The following SRCAP variants were observed in gnomAD, a reference collection of about 807,000 sequenced individuals.
SRCAP encodes the protein Snf2 related CREBBP activator protein, also known as chromatin remodeling protein SRCAP.
SRCAP carries 46 observed loss-of-function variants against 263.1 expected under a neutral mutation model. The ratio of observed to expected loss-of-function variants is 0.17; its 90% CI spans 0.14 to 0.22. The LOEUF (loss-of-function observed/expected upper bound fraction) is 0.22. Ranked by LOEUF, SRCAP falls within the 10% of genes least tolerant of loss-of-function variation. The pLI is 1.00. For missense variants in SRCAP, 3,695 were observed against 4,181.9 expected (o/e 0.88, Z 3.21); for synonymous variants, 1,813 against 1,662.1 (o/e 1.09, Z -2.21).
Position 30,722,630 on chromosome 16 carries a change from C to A in SRCAP, c.3774C>A (p.Ala1258=). ...TCATCAGCCAGCCTGCCCATGTGGC[C>A]CTCATCCAGGCCGTGGCCCCGACCC... ...HHLISQPAHV[A]LIQAVAPTPG... The change falls in exon 23 of 34, where the codon GCC becomes GCA. Residue 1258 remains alanine (A), a synonymous_variant. Transcript: ENST00000262518. 6.2e-7 allele frequency: 1 copy of A among 1,614,074 alleles called. No homozygotes were observed. The highest frequency in any genetic ancestry group is 8.5e-7 in the Non-Finnish European group (1 of 1,180,014).
rs1360430515 is a variant in SRCAP, at chr16:30,739,991, T to C, written c.*258T>C. 1 of 386,130 alleles carries C rather than the reference T, an allele frequency of 2.6e-6. No individual in the cohort carries two copies. The highest frequency in any genetic ancestry group is 4.4e-6 in the Non-Finnish European group (1 of 225,548). 23.9% of individuals were successfully genotyped at this position (386,130 alleles called of 1,614,324 possible). On this transcript the variant is annotated 3_prime_UTR_variant, in exon 34 of 34. Transcript: ENST00000262518. ...AAGATAGTCTCTGTCCCCACCCCCT[T>C]GTACTTGATTCCCCAGCTGTCTTTC...
chr16:30,707,422 C>G, intron 5 of SRCAP, 54 bp downstream of exon 5: 1 of 1,602,898 alleles, frequency 6.2e-7, no homozygotes, highest in Non-Finnish European at 8.5e-7. Flanking sequence ...TGTTCCTTCC[C>G]GGTTTGTTGG....
chr16:30,729,781 T>A (rs1310414361), intron 27 of SRCAP, among the ~76,000 whole-genome samples: 1 of 152,226 alleles, frequency 6.6e-6, no homozygotes, highest in Admixed American at 6.5e-5. Context: ...TCTTTTTTTT[T>A]ATTTTGAGAC....
At chr16:30,707,541 G>A (rs773529599) in intron 5 of SRCAP, 31 bp from the exon 6 acceptor site, 11 of 1,610,342 alleles carry the variant, frequency 6.8e-6, no homozygotes, top group Admixed American at 6.8e-5. Flanking sequence ...CTGGCTTTGA[G>A]TGTTTTCACC....
At chr16:30,723,531 T>C in intron 24 of SRCAP, 53 bp from the exon 25 acceptor site, 1 of 1,564,404 alleles carries the variant, frequency 6.4e-7, no homozygotes, top group South Asian at 1.2e-5. Context: ...GGACAGGGAG[T>C]AGAAAGGCTC....
chr16:30,710,424 A>G (rs1258001501), intron 8 of SRCAP: 1 of 668,866 alleles, frequency 1.5e-6, no homozygotes, highest in African/African-American at 1.8e-5. Context: ...AACATGCCCT[A>G]ATGTTCCCTT....
chr16:30,727,299 C>T (rs1225875454), intron 25 of SRCAP, among the ~76,000 whole-genome samples: 1 of 152,176 alleles, frequency 6.6e-6, no homozygotes, highest in Non-Finnish European at 1.5e-5. Flanking sequence ...TGTTCAGATC[C>T]TCTGCCCTTT....
intron 8 of SRCAP, 59 bp downstream of exon 8, chr16:30,710,187 G>T (rs1451168941): frequency 2.6e-6 from 4 of 1,555,490 alleles, no homozygotes; most frequent in East Asian, 4.5e-5. Flanking sequence ...GAGGTTCAGG[G>T]TCTGAGTTCC....
chr16:30,711,610 G>A lies in SRCAP; in HGVS notation c.1358G>A (p.Gly453Glu). 6.2e-7 allele frequency: 1 copy of A among 1,611,554 alleles called. No homozygotes were observed. The highest frequency in any genetic ancestry group is 8.5e-7 in the Non-Finnish European group (1 of 1,179,214). ...GAGGAGCTATTGCAGCAGTATGCAG[G>A]AGCCTATGCCCCAGGCTCTGGGAGC... Reference protein sequence around the residue: ...SMEELLQQYAGAYAPGSGSSE... With the variant: ...SMEELLQQYAEAYAPGSGSSE... The change falls in exon 11 of 34, where the codon GGA becomes GAA. Residue 453 changes from glycine (G) to glutamate (E), a missense_variant. Gly to Glu is a moderately conservative substitution (Grantham distance 98). Transcript: ENST00000262518.
At position 30,707,176 on chromosome 16, in the gene SRCAP, T is replaced by C. The variant is rs201397245; in HGVS notation, c.307-7T>C. 4.6e-4 allele frequency: 739 copies of C among 1,613,942 alleles called. 5 individuals are homozygous for C. The East Asian group carries it at 0.013, about 29-fold the overall frequency. On this transcript the variant is annotated splice_region_variant and splice_polypyrimidine_tract_variant and intron_variant, in intron 4 of 33. Coordinates refer to ENST00000262518, the MANE Select transcript of SRCAP (RefSeq NM_006662.3). ...AACTGTTGATTGATCTGGCTCTCCC[T>C]GATTAGGAGGCCGAGATCGAGACTC...
chr16:30,724,171 C>T lies in SRCAP; in HGVS notation c.4747C>T (p.Leu1583=), dbSNP rs529393104. The change falls in exon 25 of 34, where the codon CTA becomes TTA. Residue 1583 remains leucine, a synonymous_variant. Transcript: ENST00000262518. ...LAPASSASQA[L]ATPLAPMAAP... ...TCCAGCATCTTCTGCATCTCAGGCT[C>T]TAGCCACCCCTCTGGCTCCTATGGC... 1.1e-5 allele frequency: 17 copies of T among 1,614,182 alleles called. No individual in the cohort carries two copies. Among genetic ancestry groups the T allele is most frequent in the Non-Finnish European group, 1.4e-5 (16 of 1,180,020 alleles).
chr16:30,739,451 T>C lies in SRCAP; in HGVS notation c.9411T>C (p.Pro3137=), dbSNP rs1359015412. Residue 3137 remains proline (P), a synonymous_variant, in exon 34 of 34, where the codon CCT becomes CCC. Transcript: ENST00000262518. ...LVPPLETEKL[P]RKRAGAPVGG... is the part of the protein sequence containing the mutation. ...CCCCACTAGAGACTGAGAAGTTGCC[T>C]CGCAAACGAGCAGGGGCCCCAGTTG... The C allele has an allele frequency of 5.0e-6, 8 of 1,614,150 alleles. No homozygotes were observed. The highest frequency in any genetic ancestry group is 5.1e-6 in the Non-Finnish European group (6 of 1,180,030).
rs367938742 is a variant in SRCAP, at chr16:30,733,466, C to T, written c.6297+17C>T. ...CAGAGACAGGTAACCCAGGTTTCTG[C>T]AGCTCTTAGAGGCTCACCTCCGCTT... On this transcript the variant is annotated intron_variant, in intron 28 of 33. Coordinates refer to ENST00000262518, the MANE Select transcript of SRCAP (RefSeq NM_006662.3). The surrounding 1 kb of genome is among the most constrained non-coding windows in gnomAD (Gnocchi z 5.3). 22 of 1,613,784 alleles carry T rather than the reference C, an allele frequency of 1.4e-5. No individual in the cohort carries two copies. Among genetic ancestry groups the T allele is most frequent in the Non-Finnish European group, 1.9e-5 (22 of 1,179,874 alleles).
intron 4 of SRCAP, among the ~76,000 whole-genome samples, chr16:30,705,832 G>A (rs542775194): frequency 6.6e-6 from 1 of 152,066 alleles, no homozygotes; most frequent in East Asian, 1.9e-4. Context: ...TCAGCCTCCC[G>A]AGTAGCTGGG....
chr16:30,723,277 G>A (rs759494416), intron 24 of SRCAP, 48 bp downstream of exon 24: 9 of 1,554,016 alleles, frequency 5.8e-6, no homozygotes, highest in African/African-American at 4.1e-5. Flanking sequence ...GAATGGAGAC[G>A]AGATGGGGTC....
intron 24 of SRCAP, 117 bp downstream of exon 24, chr16:30,723,346 T>C (rs781296646): frequency 2.5e-5 from 37 of 1,457,016 alleles, no homozygotes; most frequent in Non-Finnish European, 3.1e-5. Context: ...TGCCTTGATT[T>C]GTAGTGGGCC....
Position 30,723,618 on chromosome 16 carries a change from T to C in SRCAP, c.4194T>C (p.Ser1398=). The stretch of plus-strand genomic sequence containing the variant: ...CCGGAGCTGCCCCCTTGACCATCTC[T>C]TCTCCTCTCCACGTGCCATCCTCCC... ...SAPGAAPLTI[S]SPLHVPSSLP... Residue 1398 remains serine, a synonymous_variant, in exon 25 of 34, where the codon TCT becomes TCC. Coordinates refer to ENST00000262518, the MANE Select transcript of SRCAP (RefSeq NM_006662.3). The C allele has an allele frequency of 6.2e-7, 1 of 1,613,710 alleles. No homozygotes were observed. The highest frequency in any genetic ancestry group is 2.2e-5 in the East Asian group (1 of 44,862).
At chr16:30,707,148 TAG>T in intron 4 of SRCAP, 33 bp from the exon 5 acceptor site, 2 of 1,610,286 alleles carry the variant, frequency 1.2e-6, no homozygotes, top group Non-Finnish European at 1.7e-6. Flanking sequence ...AGTGTGTGTT[TAG>T]AACTGTTGAT....
rs770004986 is a variant in SRCAP at position 30,723,837 on chromosome 16, T to C, written c.4413T>C (p.Ala1471=). 2.5e-6 allele frequency: 4 copies of C among 1,614,072 alleles called. No homozygotes were observed. In the Admixed American group the frequency reaches 6.7e-5, roughly 27 times the overall value. ...APLTVSASGP[A]LLTSVTPPLA... is the part of the protein sequence containing the mutation. ...TGACTGTTTCTGCTTCGGGCCCAGC[T>C]CTGTTGACCAGTGTGACTCCACCAT... Residue 1471 remains alanine (A), a synonymous_variant, in exon 25 of 34, where the codon GCT becomes GCC. Coordinates refer to ENST00000262518, the MANE Select transcript of SRCAP (RefSeq NM_006662.3).
Sources: gnomAD v4.1 joint callset for allele counts (sites outside exome capture counted in the v4.1 genomes callset) on GRCh38, gnomAD v4.1.1 for gene constraint, Gnocchi (gnomAD v3.1) non-coding constraint, MANE v1.5 for transcripts, NCBI Gene and HGNC (gene_info 2026-07-23, HGNC 2026-07-21) for gene names.